The following CLSTN2 variants were observed in gnomAD, a reference collection of about 807,000 sequenced individuals.
CLSTN2 encodes calsyntenin 2, also known as calsyntenin-2.
CLSTN2 carries 48 observed loss-of-function variants against 101.2 expected under a neutral mutation model. The ratio of observed to expected loss-of-function variants is 0.47; its 90% CI spans 0.38 to 0.60. The LOEUF is 0.60. Among genes scored for constraint, CLSTN2 ranks in the 20% least tolerant of loss-of-function variants. CLSTN2 has a pLI of 0.00. For synonymous variants in CLSTN2, 481 were observed against 463.6 expected (o/e 1.04, Z -0.48); for missense variants, 1,160 against 1,238.2 (o/e 0.94, Z 0.95).
At chr3:140,131,728 G>T (rs1261400571) in intron 1 of CLSTN2, among the ~76,000 whole-genome samples, 1 of 152,074 alleles carries the variant, frequency 6.6e-6, no homozygotes, top group Non-Finnish European at 1.5e-5. Flanking sequence ...GATAGTGATG[G>T]GGAGCTTCCC....
At chr3:140,088,194 C>T (rs1220248449) in intron 1 of CLSTN2, among the ~76,000 whole-genome samples, 1 of 152,130 alleles carries the variant, frequency 6.6e-6, no homozygotes, top group Non-Finnish European at 1.5e-5. Flanking sequence ...GCACTGTTAT[C>T]ACAGAAGAGA....
At chr3:140,190,549 G>A (rs2010545415) in intron 2 of CLSTN2, among the ~76,000 whole-genome samples, 1 of 151,156 alleles carries the variant, frequency 6.6e-6, no homozygotes, top group African/African-American at 2.4e-5. Context: ...GTCTTCCAGT[G>A]CAGGGGCATG....
intron 2 of CLSTN2, among the ~76,000 whole-genome samples, chr3:140,372,810 G>A (rs2087872914): frequency 6.6e-6 from 1 of 152,194 alleles, no homozygotes; most frequent in African/African-American, 2.4e-5. Flanking sequence ...TAAAGGTTCT[G>A]GCTCACACCT....
intron 1 of CLSTN2, among the ~76,000 whole-genome samples, chr3:140,153,871 T>A (rs1251206473): frequency 1.3e-5 from 2 of 152,066 alleles, no homozygotes; most frequent in African/African-American, 4.8e-5. Context: ...AGGAAGGGGA[T>A]CTACAAGAAG....
chr3:140,530,328 G>C lies in CLSTN2; in HGVS notation c.1345-1996G>C, dbSNP rs958930532. 6.6e-5 allele frequency among the ~76,000 whole-genome samples: 10 copies of C among 152,330 alleles called. No individual in the cohort carries two copies. In the East Asian group the frequency reaches 1.9e-3, roughly 29 times the overall value. On this transcript the variant is annotated intron_variant, in intron 8 of 16. Coordinates refer to ENST00000458420, the MANE Select transcript of CLSTN2 (RefSeq NM_022131.3). Reference sequence around the variant, plus strand: ...GACCTTTCCCAGCTGTTGTTTCACGGATGTTTATAGGAATGCTATAAATAG... The same window carrying C: ...GACCTTTCCCAGCTGTTGTTTCACGCATGTTTATAGGAATGCTATAAATAG...
intron 8 of CLSTN2, among the ~76,000 whole-genome samples, chr3:140,489,634 C>T (rs768375356): frequency 2.0e-5 from 3 of 152,014 alleles, no homozygotes; most frequent in Non-Finnish European, 4.4e-5. Context: ...CACACCCCGG[C>T]CCATTCTAAA....
At chr3:140,364,680 G>A (rs2087765494) in intron 2 of CLSTN2, among the ~76,000 whole-genome samples, 1 of 152,154 alleles carries the variant, frequency 6.6e-6, no homozygotes, top group African/African-American at 2.4e-5. Context: ...GAGGCAGGGG[G>A]AGGGCCAGTA....
chr3:140,158,939 C>T (rs757674751), intron 1 of CLSTN2, among the ~76,000 whole-genome samples: 2 of 152,124 alleles, frequency 1.3e-5, no homozygotes, highest in South Asian at 4.2e-4. Context: ...AAAGAACACC[C>T]TATTCAATAA....
In CLSTN2 at chr3:140,568,757, C is replaced by T. The variant is rs1985412796; in HGVS notation, c.*2504C>T. The T allele has an allele frequency of 6.6e-6, 1 of 152,002 alleles. No homozygotes were observed. Among genetic ancestry groups the T allele is most frequent in the Admixed American group, 6.6e-5 (1 of 15,248 alleles). 9.4% of individuals were successfully genotyped at this position (152,002 alleles called of 1,614,324 possible). ...GATCTGGTTGGGTAGGGAAGGTGTT[C>T]CTCATGCTCTCTGGGTGGCTGCCTT... On this transcript the variant is annotated 3_prime_UTR_variant, in exon 17 of 17. Coordinates refer to ENST00000458420, the MANE Select transcript of CLSTN2 (RefSeq NM_022131.3).
intron 8 of CLSTN2, among the ~76,000 whole-genome samples, chr3:140,476,085 TGGGA>T (rs1933976588): frequency 6.6e-6 from 1 of 152,130 alleles, no homozygotes; most frequent in Non-Finnish European, 1.5e-5. Flanking sequence ...TTGGTGCCAG[TGGGA>T]GGGAGGGAGG....
chr3:140,302,430 C>T (rs2087068897), intron 2 of CLSTN2, among the ~76,000 whole-genome samples: 1 of 152,146 alleles, frequency 6.6e-6, no homozygotes, highest in African/African-American at 2.4e-5. Context: ...TGGGATTGGG[C>T]TTGTTTTCTG....
intron 2 of CLSTN2, among the ~76,000 whole-genome samples, chr3:140,218,672 A>G (rs936150222): frequency 2.0e-5 from 3 of 152,254 alleles, no homozygotes; most frequent in Non-Finnish European, 2.9e-5. Flanking sequence ...CTTTGGACCA[A>G]TTAAGCTCTC....
chr3:140,259,693 G>A (rs2086633805), intron 2 of CLSTN2, among the ~76,000 whole-genome samples: 1 of 151,900 alleles, frequency 6.6e-6, no homozygotes, highest in Non-Finnish European at 1.5e-5. Context: ...TGACCCTATA[G>A]ATTATTTTCT....
At chr3:140,497,095 C>A (rs1422581220) in intron 8 of CLSTN2, among the ~76,000 whole-genome samples, 1 of 132,770 alleles carries the variant, frequency 7.5e-6, no homozygotes, top group Non-Finnish European at 1.5e-5. Flanking sequence ...AGCGAGACTC[C>A]GTCTCAAAAA....
chr3:140,358,208 C>T (rs534531208), intron 2 of CLSTN2, among the ~76,000 whole-genome samples: 8 of 151,992 alleles, frequency 5.3e-5, no homozygotes, highest in South Asian at 2.1e-4. Flanking sequence ...ATGGCCAAGC[C>T]CCCCCTCCAT....
intron 6 of CLSTN2, among the ~76,000 whole-genome samples, chr3:140,457,819 C>G (rs533145871): frequency 1.3e-5 from 2 of 152,176 alleles, no homozygotes. Context: ...CTAGGAAATA[C>G]TCATGTAAAT....
intron 2 of CLSTN2, among the ~76,000 whole-genome samples, chr3:140,288,822 C>T (rs1259056336): frequency 1.3e-5 from 2 of 152,140 alleles, no homozygotes; most frequent in African/African-American, 4.8e-5. Context: ...GAAAATCCAA[C>T]TGATTCATAG....
chr3:140,474,261 C>T (rs1226749261), intron 8 of CLSTN2, among the ~76,000 whole-genome samples: 1 of 152,108 alleles, frequency 6.6e-6, no homozygotes, highest in African/African-American at 2.4e-5. Context: ...GGTGTGTAGG[C>T]TCTTCTGTAC....
intron 1 of CLSTN2, among the ~76,000 whole-genome samples, chr3:139,984,366 C>T (rs1935987200): frequency 1.3e-5 from 2 of 152,174 alleles, no homozygotes; most frequent in African/African-American, 4.8e-5. Context: ...GAAAGAGGTA[C>T]ATCTAGTCAC....
Sources: gnomAD v4.1 joint callset for allele counts (sites outside exome capture counted in the v4.1 genomes callset) on GRCh38, gnomAD v4.1.1 for gene constraint, MANE v1.5 for transcripts, NCBI Gene and HGNC (gene_info 2026-07-23, HGNC 2026-07-21) for gene names.